The following SH3PXD2A variants were observed in gnomAD, a reference collection of about 807,000 sequenced individuals.
The protein encoded by SH3PXD2A is SH3 and PX domain-containing protein 2A.
SH3PXD2A carries 32 observed loss-of-function variants against 115.2 expected under a neutral mutation model. That is an observed-to-expected ratio of 0.28 (90% CI 0.21 to 0.37). SH3PXD2A has a LOEUF of 0.37. Ranked by LOEUF, SH3PXD2A falls within the 10% of genes least tolerant of loss-of-function variation. SH3PXD2A has a pLI of 1.00. For synonymous variants in SH3PXD2A, 610 were observed against 629.1 expected (o/e 0.97, Z 0.45); for missense variants, 1,328 against 1,498.7 (o/e 0.89, Z 1.88).
rs528417467 is a variant in SH3PXD2A at position 103,681,599 on chromosome 10, C to G, written c.427+11429G>C. 7.2e-5 allele frequency among the ~76,000 whole-genome samples: 11 copies of G among 152,280 alleles called. No homozygotes were observed. In the South Asian group the frequency reaches 1.9e-3, roughly 26 times the overall value. ...TCTCTACTAAAAATACAAAAATTAGCCAGGTGTTGTGGAGGGTACCTGTAG... is the reference window on the plus strand; with the variant it reads ...TCTCTACTAAAAATACAAAAATTAGGCAGGTGTTGTGGAGGGTACCTGTAG... On this transcript the variant is annotated intron_variant, in intron 6 of 14. Transcript: ENST00000369774.
chr10:103,713,480 C>G (rs12778620), intron 5 of SH3PXD2A, among the ~76,000 whole-genome samples: 17,619 of 152,192 alleles, frequency 0.12, 1,232 homozygotes, highest in Non-Finnish European at 0.15. Context: ...TAGCCCTAGC[C>G]AAAAATCCCT....
In SH3PXD2A at chr10:103,668,580, A is replaced by C. The variant is rs902108248; in HGVS notation, c.472+28T>G. 10 of 1,545,516 alleles carry C rather than the reference A, an allele frequency of 6.5e-6. No homozygotes were observed. The African/African-American group carries it at 1.4e-4, about 21-fold the overall frequency. On this transcript the variant is annotated intron_variant, in intron 7 of 14. Transcript: ENST00000369774. ...ACACGGACCTGGAACACACATGCTC[A>C]CACACATGCATGCACGCTGGGCAGT...
At chr10:103,640,949 G>C (rs936353579) in intron 8 of SH3PXD2A, among the ~76,000 whole-genome samples, 1 of 152,072 alleles carries the variant, frequency 6.6e-6, no homozygotes, top group Admixed American at 6.5e-5. Flanking sequence ...TCCACAGCTC[G>C]AGGGCTGGCA....
intron 4 of SH3PXD2A, among the ~76,000 whole-genome samples, chr10:103,730,410 T>C (rs947569101): frequency 1.3e-5 from 2 of 152,054 alleles, no homozygotes; most frequent in Middle Eastern, 3.2e-3. Context: ...CTCCCACCTG[T>C]GTCCTTCCAG....
At chr10:103,850,261 G>A (rs774797257) in intron 1 of SH3PXD2A, among the ~76,000 whole-genome samples, 14 of 152,050 alleles carry the variant, frequency 9.2e-5, no homozygotes, top group Non-Finnish European at 1.9e-4. Context: ...CACCACACAT[G>A]GTAATTTCTA....
intron 3 of SH3PXD2A, among the ~76,000 whole-genome samples, chr10:103,763,041 C>T (rs1257779223): frequency 6.6e-6 from 1 of 152,144 alleles, no homozygotes; most frequent in Non-Finnish European, 1.5e-5. Context: ...TTCAAATCTA[C>T]AGGCTGACCC....
rs547949001 is a variant in SH3PXD2A at position 103,677,362 on chromosome 10, G to A, written c.428-8710C>T. 7.9e-5 allele frequency among the ~76,000 whole-genome samples: 12 copies of A among 152,266 alleles called. No individual in the cohort carries two copies. In the South Asian group the frequency reaches 8.3e-4, roughly 11 times the overall value. ...GGTTTGGGGAGACAGGCTGGGTCCC[G>A]GAAGGTCTGAGGGAGGAGACGGCAG... On this transcript the variant is annotated intron_variant, in intron 6 of 14. Coordinates refer to ENST00000369774, the MANE Select transcript of SH3PXD2A (RefSeq NM_001394015.1).
rs999705461 is a variant in SH3PXD2A, at chr10:103,601,981, A to G, written c.3237T>C (p.Ser1079=). The G allele has an allele frequency of 6.2e-7, 1 of 1,613,854 alleles. No individual in the cohort carries two copies. Among genetic ancestry groups the G allele is most frequent in the African/African-American group, 1.3e-5 (1 of 74,868 alleles). Residue 1079 remains serine, a synonymous_variant, in exon 15 of 15, where the codon TCT becomes TCC. Transcript: ENST00000369774. ...IHNNLKDVYV[S]IADYEGDEET... Reference sequence around the variant, plus strand: ...CCTCATCCCCCTCGTAGTCTGCGATAGAGACGTACACATCTTTGAGGTTAT... The same window carrying G: ...CCTCATCCCCCTCGTAGTCTGCGATGGAGACGTACACATCTTTGAGGTTAT...
At chr10:103,826,753 G>A (rs780246610) in intron 1 of SH3PXD2A, among the ~76,000 whole-genome samples, 12 of 152,172 alleles carry the variant, frequency 7.9e-5, no homozygotes, top group Non-Finnish European at 1.2e-4. Flanking sequence ...AATTGTTTTG[G>A]TTCACCCGTG....
chr10:103,726,275 C>T lies in SH3PXD2A; in HGVS notation c.307-1914G>A, dbSNP rs567894010. Among the ~76,000 whole-genome samples the T allele has an allele frequency of 4.6e-5, 7 of 152,330 alleles. No individual in the cohort carries two copies. In the South Asian group the frequency reaches 1.5e-3, roughly 32 times the overall value. On this transcript the variant is annotated intron_variant, in intron 4 of 14. Transcript: ENST00000369774. ...AAACCTCACACACCACGACCAGCTT[C>T]AGATGCAAGGCCTAGATCCAGTGGC...
At chr10:103,797,343 G>C (rs538365867) in intron 2 of SH3PXD2A, among the ~76,000 whole-genome samples, 3 of 152,146 alleles carry the variant, frequency 2.0e-5, no homozygotes, top group Non-Finnish European at 4.4e-5. Context: ...TGCTCTGCAC[G>C]GTCCTAAGGC....
intron 1 of SH3PXD2A, among the ~76,000 whole-genome samples, chr10:103,850,740 C>T (rs570756982): frequency 1.3e-5 from 2 of 152,306 alleles, no homozygotes; most frequent in South Asian, 2.1e-4. Context: ...CCCACTTCCC[C>T]ATCAGACTGT....
At chr10:103,604,683 A>G (rs769328604) in intron 14 of SH3PXD2A, among the ~76,000 whole-genome samples, 1 of 152,212 alleles carries the variant, frequency 6.6e-6, no homozygotes, top group Non-Finnish European at 1.5e-5. Flanking sequence ...AGAAGAGACC[A>G]GTCCTCTGCA....
intron 1 of SH3PXD2A, among the ~76,000 whole-genome samples, chr10:103,840,363 T>C (rs1337414129): frequency 1.3e-5 from 2 of 151,942 alleles, no homozygotes; most frequent in East Asian, 1.9e-4. Flanking sequence ...CACTTGTAAA[T>C]GGCCCAGGAA....
chr10:103,606,069 G>A (rs2036295745), intron 13 of SH3PXD2A, 152 bp from the exon 14 acceptor site: 4 of 706,760 alleles, frequency 5.7e-6, no homozygotes, highest in Non-Finnish European at 9.5e-6. Flanking sequence ...TATCATGGGA[G>A]TCTCAGGGTA....
At chr10:103,687,280 A>T (rs764807492) in intron 6 of SH3PXD2A, among the ~76,000 whole-genome samples, 1 of 152,090 alleles carries the variant, frequency 6.6e-6, no homozygotes, top group African/African-American at 2.4e-5. Context: ...GCCAGCCCCC[A>T]CAATTGTGTA....
At chr10:103,816,891 A>C (rs1358994784) in intron 1 of SH3PXD2A, among the ~76,000 whole-genome samples, 1 of 151,882 alleles carries the variant, frequency 6.6e-6, no homozygotes, top group Non-Finnish European at 1.5e-5. Flanking sequence ...AGGCTGGAGT[A>C]CAGTGGTGCC....
chr10:103,797,704 C>G (rs1205967845), intron 2 of SH3PXD2A, among the ~76,000 whole-genome samples: 1 of 109,750 alleles, frequency 9.1e-6, no homozygotes. Context: ...TGCTTCAGAT[C>G]TTAGAATCTG....
chr10:103,761,605 AC>A (rs1189340907), intron 3 of SH3PXD2A, among the ~76,000 whole-genome samples: 1 of 152,164 alleles, frequency 6.6e-6, no homozygotes, highest in Non-Finnish European at 1.5e-5. Context: ...GAATGAGAGA[AC>A]CCTTACAGGT....
Sources: gnomAD v4.1 joint callset for allele counts (sites outside exome capture counted in the v4.1 genomes callset) on GRCh38, gnomAD v4.1.1 for gene constraint, MANE v1.5 for transcripts, NCBI Gene and HGNC (gene_info 2026-07-23, HGNC 2026-07-21) for gene names.